Variants in WDPCP observed in about 807,000 individuals in gnomAD.
The protein encoded by WDPCP is WD repeat-containing and planar cell polarity effector protein fritz homolog.
In WDPCP, 71 loss-of-function variants were observed where a neutral mutation model predicts 93.1. The observed-to-expected ratio is 0.76, with a 90% CI of 0.63 to 0.93. The LOEUF (loss-of-function observed/expected upper bound fraction) is 0.93. WDPCP is among the 40% of genes least tolerant of loss of function. The probability of loss-of-function intolerance (pLI) is 0.00; values close to 1 mark genes in which losing one functional copy is unlikely to be tolerated. For missense variants in WDPCP, 844 were observed against 887.4 expected (o/e 0.95, Z 0.62); for synonymous variants, 315 against 315.0 (o/e 1.00, Z 0.00).
At position 63,531,976 on chromosome 2, in the gene WDPCP, C is replaced by T. The variant is rs138897872; in HGVS notation, c.76-39036G>A. 1.2e-3 allele frequency among the ~76,000 whole-genome samples: 183 copies of T among 152,108 alleles called. No homozygotes were observed. The South Asian group carries it at 0.012, about 10-fold the overall frequency. On this transcript the variant is annotated intron_variant, in intron 1 of 17. Transcript: ENST00000272321. ...CTAAAAACCTTGAAAAAAAATTAGA[C>T]GAACAGCTAACTAGAATAACCAGCA...
intron 12 of WDPCP, among the ~76,000 whole-genome samples, chr2:63,323,344 TTC>T (rs1687269415): frequency 1.3e-5 from 2 of 152,274 alleles, no homozygotes; most frequent in South Asian, 4.1e-4. Context: ...AAATTTGGGA[TTC>T]TGTTACCTTC....
At chr2:63,563,071 A>G (rs545085220) in intron 1 of WDPCP, among the ~76,000 whole-genome samples, 1 of 152,332 alleles carries the variant, frequency 6.6e-6, no homozygotes, top group Admixed American at 6.5e-5. Flanking sequence ...ATACATACAT[A>G]CATACATACA....
intron 13 of WDPCP, among the ~76,000 whole-genome samples, chr2:63,265,950 C>A (rs1203568611): frequency 1.3e-5 from 2 of 152,030 alleles, no homozygotes; most frequent in African/African-American, 4.8e-5. Flanking sequence ...AAGCACCTGA[C>A]AAAATTCAAC....
chr2:63,486,189 TTTTCTTAAAAATGGGTAAGACATGTTA>T (rs1168373900), intron 4 of WDPCP, among the ~76,000 whole-genome samples: 1 of 151,858 alleles, frequency 6.6e-6, no homozygotes, highest in African/African-American at 2.4e-5. Flanking sequence ...ACAAATACTA[TTTTCTTAAAAATGGGTAAGACATGTTA>T]ACAATTTAGG....
intron 14 of WDPCP, among the ~76,000 whole-genome samples, chr2:63,233,732 A>G (rs1679133548): frequency 6.6e-6 from 1 of 152,076 alleles, no homozygotes; most frequent in South Asian, 2.1e-4. Context: ...GAATTCTGGA[A>G]TGCACTGGTT....
At chr2:63,522,451 GACAGACACACAC>G (rs1199015233) in intron 1 of WDPCP, among the ~76,000 whole-genome samples, 3 of 92,070 alleles carry the variant, frequency 3.3e-5, no homozygotes, top group East Asian at 4.0e-4. Flanking sequence ...CAGACAGACA[GACAGACACACAC>G]ACACACACAC....
chr2:63,239,378 A>G (rs1179957630), intron 14 of WDPCP, among the ~76,000 whole-genome samples: 1 of 152,160 alleles, frequency 6.6e-6, no homozygotes, highest in African/African-American at 2.4e-5. Context: ...TTCTTTCCAA[A>G]TTCCCCTTGA....
chr2:63,285,234 T>A (rs978715096), intron 13 of WDPCP, among the ~76,000 whole-genome samples: 3 of 151,982 alleles, frequency 2.0e-5, no homozygotes, highest in East Asian at 1.9e-4. Flanking sequence ...ATCAAGACTA[T>A]CCTGGCTAAC....
At chr2:63,441,920 T>A (rs188546181) in intron 6 of WDPCP, 1 of 152,094 alleles carries the variant, frequency 6.6e-6, no homozygotes, top group Non-Finnish European at 1.5e-5. Flanking sequence ...GTAGGTTAAA[T>A]AAAGTAGGTT....
chr2:63,546,622 G>C (rs1286475114), intron 1 of WDPCP, among the ~76,000 whole-genome samples: 1 of 152,114 alleles, frequency 6.6e-6, no homozygotes, highest in African/African-American at 2.4e-5. Context: ...GCCCAAACTG[G>C]TGCCAGGCTT....
chr2:63,755,146 T>A (rs1669943554), intron 2 of WDPCP, among the ~76,000 whole-genome samples: 1 of 152,206 alleles, frequency 6.6e-6, no homozygotes. Flanking sequence ...CTAAATGTCC[T>A]TTATGGCCTT....
intron 2 of WDPCP, among the ~76,000 whole-genome samples, chr2:63,746,906 A>C (rs575439360): frequency 4.7e-5 from 7 of 150,522 alleles, no homozygotes; most frequent in Non-Finnish European, 1.0e-4. Flanking sequence ...TCTGTGACCC[A>C]CTCCCTCCCC....
chr2:63,343,369 C>T (rs956985314), intron 12 of WDPCP, among the ~76,000 whole-genome samples: 7 of 151,960 alleles, frequency 4.6e-5, no homozygotes, highest in Admixed American at 3.9e-4. Flanking sequence ...AGAAAAGTAT[C>T]TGTTAACATA....
At chr2:63,317,542 T>C (rs773176708) in intron 12 of WDPCP, among the ~76,000 whole-genome samples, 6 of 152,148 alleles carry the variant, frequency 3.9e-5, no homozygotes, top group Non-Finnish European at 5.9e-5. Context: ...CTAAGCAGCA[T>C]GGTACTGGTA....
At chr2:63,363,675 G>A (rs1428003864) in intron 12 of WDPCP, among the ~76,000 whole-genome samples, 1 of 151,970 alleles carries the variant, frequency 6.6e-6, no homozygotes, top group Non-Finnish European at 1.5e-5. Flanking sequence ...CTTCAAATAC[G>A]TATTTCCTGA....
intron 12 of WDPCP, among the ~76,000 whole-genome samples, chr2:63,328,860 TG>T (rs1418087379): frequency 6.6e-6 from 1 of 152,138 alleles, no homozygotes; most frequent in Admixed American, 6.6e-5. Flanking sequence ...CTGAGTAGGC[TG>T]GGGCTACAGG....
intron 12 of WDPCP, among the ~76,000 whole-genome samples, chr2:63,371,458 C>G (rs1327355991): frequency 6.6e-6 from 1 of 152,046 alleles, no homozygotes; most frequent in Admixed American, 6.6e-5. Context: ...TTGAGTTCCC[C>G]TATTATTCAA....
At chr2:63,787,845 G>T (rs1377315517) in intron 2 of WDPCP, among the ~76,000 whole-genome samples, 2 of 151,934 alleles carry the variant, frequency 1.3e-5, no homozygotes, top group Admixed American at 6.6e-5. Flanking sequence ...TTCAAGACCA[G>T]CCTGGCTAAC....
intron 9 of WDPCP, among the ~76,000 whole-genome samples, chr2:63,412,352 G>C (rs1695080050): frequency 6.6e-6 from 1 of 152,020 alleles, no homozygotes; most frequent in South Asian, 2.1e-4. Flanking sequence ...AAAACTCTTA[G>C]CAAAATTGGC....
Sources: gnomAD v4.1 joint callset for allele counts (sites outside exome capture counted in the v4.1 genomes callset) on GRCh38, gnomAD v4.1.1 for gene constraint, MANE v1.5 for transcripts, NCBI Gene and HGNC (gene_info 2026-07-23, HGNC 2026-07-21) for gene names.